AP1S3: variants seen among roughly 807,000 people sequenced by gnomAD.
The protein encoded by AP1S3 is AP-1 complex subunit sigma-3.
In AP1S3, 10 loss-of-function variants were observed where a neutral mutation model predicts 20.9. The ratio of observed to expected loss-of-function variants is 0.48; its 90% CI spans 0.29 to 0.81. The LOEUF (loss-of-function observed/expected upper bound fraction) is 0.81, where lower values mean the gene tolerates loss of function less well. Ranked by LOEUF, AP1S3 falls within the 30% of genes least tolerant of loss-of-function variation. The probability of loss-of-function intolerance (pLI) is 0.08; values close to 1 mark genes in which losing one functional copy is unlikely to be tolerated. For missense variants in AP1S3, 154 were observed against 183.8 expected (o/e 0.84, Z 0.94); for synonymous variants, 41 against 61.5 (o/e 0.67, Z 1.56).
chr2:223,786,250 C>T (rs1054811258), intron 1 of AP1S3, among the ~76,000 whole-genome samples: 8 of 152,282 alleles, frequency 5.3e-5, no homozygotes, highest in South Asian at 4.2e-4. Flanking sequence ...AAATGATCAT[C>T]GTTGCCTTGT....
chr2:223,826,508 G>A (rs1284071070), intron 1 of AP1S3, among the ~76,000 whole-genome samples: 1 of 152,102 alleles, frequency 6.6e-6, no homozygotes, highest in Non-Finnish European at 1.5e-5. Context: ...CATGAGAATC[G>A]CTTGAACCCG....
At chr2:223,768,793 T>G (rs937192530) in intron 3 of AP1S3, among the ~76,000 whole-genome samples, 18 of 152,152 alleles carry the variant, frequency 1.2e-4, no homozygotes, top group South Asian at 4.1e-4. Flanking sequence ...AGGCAGAGGT[T>G]GCAGTGAGCC....
chr2:223,817,384 G>T (rs965327443), intron 1 of AP1S3, among the ~76,000 whole-genome samples: 2 of 152,044 alleles, frequency 1.3e-5, no homozygotes, highest in Admixed American at 1.3e-4. Context: ...CAAGGTGGGC[G>T]GATCACCTGA....
intron 1 of AP1S3, among the ~76,000 whole-genome samples, chr2:223,824,291 C>T (rs1321115789): frequency 6.6e-6 from 1 of 152,090 alleles, no homozygotes; most frequent in Non-Finnish European, 1.5e-5. Flanking sequence ...ATGTGAGCTA[C>T]TGGGCCCAGC....
At chr2:223,775,647 C>T (rs1266524138) in intron 3 of AP1S3, among the ~76,000 whole-genome samples, 1 of 152,074 alleles carries the variant, frequency 6.6e-6, no homozygotes, top group African/African-American at 2.4e-5. Context: ...TCAAGACCCA[C>T]CTGGGCAACA....
intron 1 of AP1S3, among the ~76,000 whole-genome samples, chr2:223,813,528 C>G (rs1691780369): frequency 1.3e-5 from 2 of 152,084 alleles, no homozygotes; most frequent in Admixed American, 1.3e-4. Context: ...GTAATTTGCC[C>G]AAGGTCACAC....
At chr2:223,785,919 G>C (rs911832998) in intron 1 of AP1S3, among the ~76,000 whole-genome samples, 1 of 152,196 alleles carries the variant, frequency 6.6e-6, no homozygotes, top group African/African-American at 2.4e-5. Flanking sequence ...TGTACTCCCT[G>C]AATCTAAAAT....
intron 1 of AP1S3, among the ~76,000 whole-genome samples, chr2:223,795,911 G>A (rs893150156): frequency 2.6e-5 from 4 of 152,140 alleles, no homozygotes; most frequent in African/African-American, 9.7e-5. Context: ...GGTGGCTCAC[G>A]CCTGTAATCC....
intron 4 of AP1S3, among the ~76,000 whole-genome samples, chr2:223,764,466 G>T (rs1451246675): frequency 6.6e-6 from 1 of 152,034 alleles, no homozygotes; most frequent in East Asian, 1.9e-4. Context: ...CCCTGAGGAG[G>T]TATGATGCAA....
chr2:223,776,663 C>T (rs949418011), intron 2 of AP1S3, among the ~76,000 whole-genome samples: 29 of 152,146 alleles, frequency 1.9e-4, no homozygotes, highest in Non-Finnish European at 4.1e-4. Context: ...CTGGCTTAGG[C>T]ATCAATTACC....
intron 1 of AP1S3, among the ~76,000 whole-genome samples, chr2:223,782,886 G>A (rs1690983746): frequency 6.6e-6 from 1 of 152,116 alleles, no homozygotes; most frequent in Non-Finnish European, 1.5e-5. Flanking sequence ...CAAACTGGCA[G>A]AATGAATTGT....
In AP1S3 at chr2:223,758,428, G is replaced by A; in HGVS notation, c.*287C>T. ...AACCAGCTTAAAAACATAACATGGA[G>A]TTAATACATTACAAATATTGTCTGT... On this transcript the variant is annotated 3_prime_UTR_variant, in exon 5 of 5. Coordinates refer to ENST00000396654, the MANE Select transcript of AP1S3 (RefSeq NM_001039569.2). 2 of 1,123,648 alleles carry A rather than the reference G, an allele frequency of 1.8e-6. No homozygotes were observed. Among genetic ancestry groups the A allele is most frequent in the Non-Finnish European group, 2.2e-6 (2 of 920,282 alleles). The allele number at this position is 1,123,648 out of a possible 1,614,324, so 69.6% of individuals were successfully genotyped here.
chr2:223,763,931 A>G (rs1209272871), intron 4 of AP1S3, among the ~76,000 whole-genome samples: 1 of 152,080 alleles, frequency 6.6e-6, no homozygotes. Flanking sequence ...TTATTTATTT[A>G]TTTATTTTGA....
chr2:223,763,516 C>G (rs1333026325), intron 4 of AP1S3, among the ~76,000 whole-genome samples: 1 of 152,170 alleles, frequency 6.6e-6, no homozygotes, highest in Admixed American at 6.5e-5. Context: ...ACCCCCTCCA[C>G]CTGCCCCCAA....
At chr2:223,776,245 T>G in intron 2 of AP1S3, 5 of 590,274 alleles carry the variant, frequency 8.5e-6, no homozygotes, top group Non-Finnish European at 6.5e-6. Flanking sequence ...AACAAAATTT[T>G]ACCTTGAAGA....
At chr2:223,788,007 A>C (rs1203945697) in intron 1 of AP1S3, among the ~76,000 whole-genome samples, 2 of 151,936 alleles carry the variant, frequency 1.3e-5, no homozygotes, top group African/African-American at 4.8e-5. Context: ...TCCAGGCTGG[A>C]GCGCAGTGGT....
At chr2:223,792,840 C>T (rs1691241809) in intron 1 of AP1S3, among the ~76,000 whole-genome samples, 1 of 152,102 alleles carries the variant, frequency 6.6e-6, no homozygotes, top group African/African-American at 2.4e-5. Context: ...GGTCTAATAT[C>T]CAGCATCTAC....
At chr2:223,780,300 TA>T (rs1690896908) in intron 1 of AP1S3, among the ~76,000 whole-genome samples, 2 of 53,022 alleles carry the variant, frequency 3.8e-5, no homozygotes, top group East Asian at 5.8e-4. Context: ...TATATATATA[TA>T]TATATATAGA....
chr2:223,832,100 G>A (rs1692276967), intron 1 of AP1S3, among the ~76,000 whole-genome samples: 1 of 144,446 alleles, frequency 6.9e-6, no homozygotes, highest in Non-Finnish European at 1.5e-5. Flanking sequence ...TCAAAAAAAG[G>A]ACTTATTCTG....
Sources: allele counts gnomAD v4.1 joint callset (sites outside exome capture counted in the v4.1 genomes callset), GRCh38; gene constraint gnomAD v4.1.1; transcripts MANE v1.5; gene names NCBI Gene and HGNC (gene_info 2026-07-23, HGNC 2026-07-21).